The following RGS17 variants were observed in gnomAD, a reference collection of about 807,000 sequenced individuals.
RGS17 encodes regulator of G protein signaling 17.
A neutral mutation model predicts 25.5 loss-of-function variants in RGS17; 12 were observed. The ratio of observed to expected loss-of-function variants is 0.47; its 90% CI spans 0.30 to 0.76. RGS17 has a LOEUF of 0.76. Ranked by LOEUF, RGS17 falls within the 30% of genes least tolerant of loss-of-function variation. The pLI, the probability that RGS17 is intolerant of heterozygous loss-of-function variation, is 0.07. For synonymous variants in RGS17, 71 were observed against 76.9 expected, an observed-to-expected ratio of 0.92 and a Z score of 0.40; for missense variants, 196 against 242.2, an observed-to-expected ratio of 0.81 and a Z score of 1.27.
At chr6:153,126,487 C>T (rs1777706398) in intron 1 of RGS17, among the ~76,000 whole-genome samples, 2 of 143,846 alleles carry the variant, frequency 1.4e-5, no homozygotes, top group African/African-American at 2.6e-5. Flanking sequence ...TCCTTGTTTG[C>T]TTCTGCCTTT....
intron 1 of RGS17, among the ~76,000 whole-genome samples, chr6:153,113,509 T>C (rs1359679062): frequency 1.3e-5 from 2 of 152,272 alleles, no homozygotes; most frequent in Admixed American, 6.5e-5. Flanking sequence ...CTGTCAATAT[T>C]AGACAGATCA....
At chr6:153,076,573 C>CT in intron 1 of RGS17, among the ~76,000 whole-genome samples, 1 of 152,226 alleles carries the variant, frequency 6.6e-6, no homozygotes, top group South Asian at 2.1e-4. Context: ...GATTCAAGGT[C>CT]TGACACAGAA....
intron 1 of RGS17, among the ~76,000 whole-genome samples, chr6:153,120,299 A>C (rs920585276): frequency 2.0e-5 from 3 of 152,128 alleles, no homozygotes; most frequent in Non-Finnish European, 4.4e-5. Context: ...AACTCAACTT[A>C]TTTCCTCACT....
intron 1 of RGS17, among the ~76,000 whole-genome samples, chr6:153,113,385 C>T (rs1242140272): frequency 6.6e-6 from 1 of 152,142 alleles, no homozygotes; most frequent in Non-Finnish European, 1.5e-5. Context: ...AGCTAACTAT[C>T]CTAAATACAT....
intron 2 of RGS17, among the ~76,000 whole-genome samples, chr6:153,036,652 A>G (rs1233974326): frequency 6.6e-6 from 1 of 152,184 alleles, no homozygotes; most frequent in African/African-American, 2.4e-5. Flanking sequence ...CTTGGCCTAA[A>G]TAACTTCCTA....
At chr6:153,102,400 T>C (rs1018767235) in intron 1 of RGS17, among the ~76,000 whole-genome samples, 1 of 152,250 alleles carries the variant, frequency 6.6e-6, no homozygotes, top group East Asian at 1.9e-4. Context: ...ATTTGGACTA[T>C]GCAGGAACAA....
intron 1 of RGS17, among the ~76,000 whole-genome samples, chr6:153,106,702 G>A (rs1298083675): frequency 6.6e-6 from 1 of 151,958 alleles, no homozygotes; most frequent in Non-Finnish European, 1.5e-5. Flanking sequence ...GAGTGCAATG[G>A]TGCGATTTCA....
chr6:153,105,491 T>G (rs2129124163), intron 1 of RGS17, among the ~76,000 whole-genome samples: 1 of 152,272 alleles, frequency 6.6e-6, no homozygotes, highest in South Asian at 2.1e-4. Flanking sequence ...CACAATGAGC[T>G]TATAACTTAG....
intron 2 of RGS17, among the ~76,000 whole-genome samples, chr6:153,036,613 T>G (rs1050365907): frequency 6.6e-6 from 1 of 152,232 alleles, no homozygotes; most frequent in African/African-American, 2.4e-5. Flanking sequence ...GATACCTCAA[T>G]CAGAGCAAGT....
At chr6:153,110,703 G>A (rs984163710) in intron 1 of RGS17, among the ~76,000 whole-genome samples, 7 of 152,148 alleles carry the variant, frequency 4.6e-5, no homozygotes, top group African/African-American at 1.7e-4. Context: ...CAACGCAGAA[G>A]GCAGGTGATT....
chr6:153,043,883 C>G lies in RGS17; in HGVS notation c.119+17G>C, dbSNP rs768274903. 5 of 1,541,624 alleles carry G rather than the reference C, an allele frequency of 3.2e-6. No homozygotes were observed. Among genetic ancestry groups the G allele is most frequent in the Non-Finnish European group, 4.5e-6 (5 of 1,122,080 alleles). ...TGCCAAGCCTGGGTGTGGCATCCTA[C>G]AGGTAACATGACATACCAGGAGCAG... On this transcript the variant is annotated intron_variant, in intron 2 of 4. Transcript: ENST00000206262.
chr6:153,042,627 C>A (rs893996773), intron 2 of RGS17, among the ~76,000 whole-genome samples: 1 of 152,180 alleles, frequency 6.6e-6, no homozygotes, highest in African/African-American at 2.4e-5. Flanking sequence ...TGGACTAATA[C>A]AGTATGACTT....
intron 2 of RGS17, among the ~76,000 whole-genome samples, chr6:153,028,236 C>G (rs1225792769): frequency 6.6e-6 from 1 of 152,080 alleles, no homozygotes; most frequent in African/African-American, 2.4e-5. Flanking sequence ...TGGTGTCGAA[C>G]CATGGAGGGA....
At chr6:153,019,142 T>C (rs977554762) in intron 4 of RGS17, among the ~76,000 whole-genome samples, 4 of 152,222 alleles carry the variant, frequency 2.6e-5, no homozygotes, top group Non-Finnish European at 4.4e-5. Context: ...GCTTTCCCCA[T>C]GCCTTCATTC....
intron 1 of RGS17, among the ~76,000 whole-genome samples, chr6:153,122,258 T>C (rs1485709032): frequency 6.6e-6 from 1 of 152,140 alleles, no homozygotes; most frequent in Non-Finnish European, 1.5e-5. Flanking sequence ...AGGGGAAACA[T>C]ACATATATGC....
At position 153,043,757 on chromosome 6, in the gene RGS17, A is replaced by T. The variant is rs1214918999; in HGVS notation, c.119+143T>A. Reference sequence around the variant, plus strand: ...TGAAAGTATTTGCATTAAACCAATGATAGTCTTCAATAAGTCCTACTTGCA... The same window carrying T: ...TGAAAGTATTTGCATTAAACCAATGTTAGTCTTCAATAAGTCCTACTTGCA... On this transcript the variant is annotated intron_variant, in intron 2 of 4. Coordinates refer to ENST00000206262, the MANE Select transcript of RGS17 (RefSeq NM_012419.5). 1.2e-5 allele frequency: 7 copies of T among 568,394 alleles called. No individual in the cohort carries two copies. In the African/African-American group the frequency reaches 1.4e-4, roughly 11 times the overall value. The allele number at this position is 568,394 out of a possible 1,614,324, so 35.2% of individuals were successfully genotyped here. A position where few individuals can be genotyped will look rare whatever the true frequency, so the allele number is the denominator to read the frequency against.
chr6:153,013,116 C>T (rs1250368632), intron 4 of RGS17, among the ~76,000 whole-genome samples: 2 of 152,146 alleles, frequency 1.3e-5, no homozygotes, highest in African/African-American at 2.4e-5. Flanking sequence ...AGGCTTGTGG[C>T]GATCCTGTGT....
At chr6:153,017,311 C>T (rs1223076962) in intron 4 of RGS17, among the ~76,000 whole-genome samples, 1 of 151,780 alleles carries the variant, frequency 6.6e-6, no homozygotes, top group African/African-American at 2.4e-5. Flanking sequence ...GCATTCATTC[C>T]CACAGGGAGC....
At chr6:153,031,029 A>T (rs1779356960) in intron 2 of RGS17, among the ~76,000 whole-genome samples, 1 of 152,198 alleles carries the variant, frequency 6.6e-6, no homozygotes, top group Non-Finnish European at 1.5e-5. Context: ...GAAAAAGGGG[A>T]TCTCATTCAG....
Sources: allele counts gnomAD v4.1 joint callset (sites outside exome capture counted in the v4.1 genomes callset), GRCh38; gene constraint gnomAD v4.1.1; transcripts MANE v1.5; gene names NCBI Gene and HGNC (gene_info 2026-07-23, HGNC 2026-07-21).